The following ENOX1 variants were observed in gnomAD, a reference collection of about 807,000 sequenced individuals.
ENOX1 encodes ecto-NOX disulfide-thiol exchanger 1.
ENOX1 carries 42 observed loss-of-function variants against 82.5 expected under a neutral mutation model. That is an observed-to-expected ratio of 0.51 (90% CI 0.40 to 0.66). ENOX1 has a LOEUF of 0.66. Among genes scored for constraint, ENOX1 ranks in the 30% least tolerant of loss-of-function variants. The pLI, the probability that ENOX1 is intolerant of heterozygous loss-of-function variation, is 0.00. For synonymous variants in ENOX1, 271 were observed against 282.2 expected, an observed-to-expected ratio of 0.96 and a Z score of 0.40; for missense variants, 608 against 811.6, an observed-to-expected ratio of 0.75 and a Z score of 3.05.
chr13:43,381,408 C>A (rs1186456495), intron 5 of ENOX1, among the ~76,000 whole-genome samples: 1 of 148,160 alleles, frequency 6.7e-6, no homozygotes, highest in Non-Finnish European at 1.5e-5. Context: ...ATGTTTAAGG[C>A]ACTAAATGCT....
At chr13:43,413,246 T>C (rs1021137639) in intron 3 of ENOX1, among the ~76,000 whole-genome samples, 1 of 152,162 alleles carries the variant, frequency 6.6e-6, no homozygotes, top group African/African-American at 2.4e-5. Context: ...CATTTGTGAG[T>C]ACCTCAAAGG....
At chr13:43,653,351 G>C (rs1353542065) in intron 2 of ENOX1, among the ~76,000 whole-genome samples, 1 of 152,204 alleles carries the variant, frequency 6.6e-6, no homozygotes, top group African/African-American at 2.4e-5. Context: ...TCCAGAGAAT[G>C]TTACAGCAGA....
intron 12 of ENOX1, among the ~76,000 whole-genome samples, chr13:43,296,157 C>G (rs1467825332): frequency 6.6e-6 from 1 of 152,182 alleles, no homozygotes; most frequent in Non-Finnish European, 1.5e-5. Flanking sequence ...GCCCTGCCCC[C>G]CAGCCCCAAA....
chr13:43,316,306 T>A (rs2047479302), intron 11 of ENOX1, among the ~76,000 whole-genome samples: 1 of 151,972 alleles, frequency 6.6e-6, no homozygotes, highest in South Asian at 2.1e-4. Context: ...CACAGTTGAG[T>A]AGTTAAGAGT....
At position 43,220,677 on chromosome 13, in the gene ENOX1, T is replaced by C. The variant is rs184351981; in HGVS notation, c.1800+3376A>G. The stretch of plus-strand genomic sequence containing the variant: ...TGCACAGCCTTTTTTTTGTTCTTTA[T>C]GTAGTCAAGTGGGGAGTATTGTTAT... On this transcript the variant is annotated intron_variant, in intron 16 of 16. Coordinates refer to ENST00000690772, the MANE Select transcript of ENOX1 (RefSeq NM_001347969.2). 1.8e-3 allele frequency among the ~76,000 whole-genome samples: 276 copies of C among 152,328 alleles called. 2 individuals carry two copies. The highest frequency in any genetic ancestry group is 6.8e-3 in the Middle Eastern group (2 of 294).
chr13:43,677,871 GTTATTTTTAT>G (rs1277099618), intron 1 of ENOX1, among the ~76,000 whole-genome samples: 1 of 152,066 alleles, frequency 6.6e-6, no homozygotes, highest in East Asian at 1.9e-4. Context: ...TCTATTTCTT[GTTATTTTTAT>G]TTATTTTTAG....
chr13:43,754,286 T>C (rs2153832518), intron 1 of ENOX1, among the ~76,000 whole-genome samples: 1 of 141,382 alleles, frequency 7.1e-6, no homozygotes, highest in Non-Finnish European at 1.5e-5. Flanking sequence ...TATATACATA[T>C]ATACACATAT....
chr13:43,404,181 G>A (rs1336332735), intron 5 of ENOX1, among the ~76,000 whole-genome samples: 2 of 152,124 alleles, frequency 1.3e-5, no homozygotes, highest in Non-Finnish European at 2.9e-5. Flanking sequence ...ACGAGTCACA[G>A]GTCACTTATC....
chr13:43,456,100 T>C (rs546799958), intron 3 of ENOX1, among the ~76,000 whole-genome samples: 1 of 152,148 alleles, frequency 6.6e-6, no homozygotes, highest in Non-Finnish European at 1.5e-5. Flanking sequence ...TTTCTAATTG[T>C]TCCTGTTCTA....
At chr13:43,717,598 A>C (rs916412104) in intron 1 of ENOX1, among the ~76,000 whole-genome samples, 5 of 152,218 alleles carry the variant, frequency 3.3e-5, no homozygotes, top group African/African-American at 4.8e-5. Flanking sequence ...CAACAGGGTA[A>C]ACAGACAGCC....
At chr13:43,777,150 G>C (rs530685555) in intron 1 of ENOX1, among the ~76,000 whole-genome samples, 36 of 152,322 alleles carry the variant, frequency 2.4e-4, no homozygotes, top group African/African-American at 8.4e-4. Flanking sequence ...CTACCTTCTG[G>C]AATAGCTGAC....
intron 1 of ENOX1, among the ~76,000 whole-genome samples, chr13:43,759,368 G>C (rs1202053447): frequency 6.6e-6 from 1 of 152,120 alleles, no homozygotes; most frequent in African/African-American, 2.4e-5. Context: ...AAAGTTCTGG[G>C]ATTACAGATG....
At chr13:43,364,265 T>C (rs557283109) in intron 5 of ENOX1, among the ~76,000 whole-genome samples, 4 of 152,286 alleles carry the variant, frequency 2.6e-5, no homozygotes, top group African/African-American at 7.2e-5. Flanking sequence ...TTCCATGCCC[T>C]GTTAGGAAAA....
chr13:43,331,795 C>T (rs558153665), intron 9 of ENOX1, among the ~76,000 whole-genome samples: 13 of 152,248 alleles, frequency 8.5e-5, no homozygotes, highest in East Asian at 5.8e-4. Context: ...AAGGGAGAAG[C>T]GGTATGTGTC....
chr13:43,457,225 G>C (rs2057275193), intron 3 of ENOX1, among the ~76,000 whole-genome samples: 1 of 151,960 alleles, frequency 6.6e-6, no homozygotes, highest in Non-Finnish European at 1.5e-5. Flanking sequence ...ATTTTGTTTT[G>C]GTCTAGTTTG....
intron 1 of ENOX1, among the ~76,000 whole-genome samples, chr13:43,692,971 T>C (rs1234813250): frequency 6.6e-6 from 1 of 152,138 alleles, no homozygotes; most frequent in East Asian, 1.9e-4. Context: ...TACAGTATCA[T>C]GTACCATCAA....
At chr13:43,678,938 A>G (rs950710097) in intron 1 of ENOX1, among the ~76,000 whole-genome samples, 1 of 152,170 alleles carries the variant, frequency 6.6e-6, no homozygotes, top group African/African-American at 2.4e-5. Context: ...CTCTACTAAC[A>G]TTAAACTTAT....
chr13:43,221,134 C>T (rs1055511091), intron 16 of ENOX1, among the ~76,000 whole-genome samples: 11 of 152,188 alleles, frequency 7.2e-5, no homozygotes, highest in African/African-American at 2.2e-4. Flanking sequence ...TCTGTGGCCA[C>T]ATTACGCTGA....
intron 1 of ENOX1, among the ~76,000 whole-genome samples, chr13:43,750,059 T>C (rs902659939): frequency 6.6e-6 from 1 of 152,188 alleles, no homozygotes; most frequent in African/African-American, 2.4e-5. Flanking sequence ...GGTTATTAAA[T>C]CACCAGTGTT....
Sources: allele counts gnomAD v4.1 joint callset (sites outside exome capture counted in the v4.1 genomes callset), GRCh38; gene constraint gnomAD v4.1.1; transcripts MANE v1.5; gene names NCBI Gene and HGNC (gene_info 2026-07-23, HGNC 2026-07-21).